The following JPH1 variants were observed in gnomAD, a reference collection of about 807,000 sequenced individuals.
JPH1 encodes junctophilin-1.
JPH1 carries 12 observed loss-of-function variants against 53.6 expected under a neutral mutation model. The ratio of observed to expected loss-of-function variants is 0.22; its 90% CI spans 0.14 to 0.36. The LOEUF (loss-of-function observed/expected upper bound fraction) is 0.36. Ranked by LOEUF, JPH1 falls within the 10% of genes least tolerant of loss-of-function variation. The probability of loss-of-function intolerance (pLI) is 1.00; values close to 1 mark genes in which losing one functional copy is unlikely to be tolerated. For missense variants in JPH1, 808 were observed against 905.5 expected (o/e 0.89, Z 1.38); for synonymous variants, 375 against 363.8 (o/e 1.03, Z -0.35).
chr8:74,290,627 C>G (rs555392375), intron 2 of JPH1, among the ~76,000 whole-genome samples: 282 of 152,322 alleles, frequency 1.9e-3, no homozygotes, highest in Non-Finnish European at 3.3e-3. Context: ...TTGGAAAAAA[C>G]TACTTTAAAG....
chr8:74,302,473 T>C (rs1404770639), intron 2 of JPH1, among the ~76,000 whole-genome samples: 1 of 152,218 alleles, frequency 6.6e-6, no homozygotes, highest in Non-Finnish European at 1.5e-5. Context: ...AATTTGTACA[T>C]ATATTTTCTA....
At position 74,293,940 on chromosome 8, in the gene JPH1, T is replaced by G. The variant is rs1445378381; in HGVS notation, c.1139+20921A>C. ...CTCCCACTCAAGAGCCAGCAGCCCC[T>G]AGGTTGGGCATGGGGTGTCTCTTTT... On this transcript the variant is annotated intron_variant, in intron 2 of 5. Coordinates refer to ENST00000342232, the MANE Select transcript of JPH1 (RefSeq NM_020647.4). Among the ~76,000 whole-genome samples the G allele has an allele frequency of 4.6e-5, 7 of 152,234 alleles. No homozygotes were observed. In the East Asian group the frequency reaches 1.4e-3, roughly 29 times the overall value.
At position 74,321,481 on chromosome 8, in the gene JPH1, T is replaced by TTCCTCC. The variant is rs373541776; in HGVS notation, c.-200_-195dup. 3.3e-4 allele frequency: 164 copies of TTCCTCC among 499,612 alleles called. No homozygotes were observed. Among genetic ancestry groups the TTCCTCC allele is most frequent in the Admixed American group, 3.5e-4 (8 of 22,688 alleles). 30.9% of individuals were successfully genotyped at this position (499,612 alleles called of 1,614,324 possible). On this transcript the variant is annotated 5_prime_UTR_variant, in exon 1 of 6. Coordinates refer to ENST00000342232, the MANE Select transcript of JPH1 (RefSeq NM_020647.4). This position sits in a 1 kb window ranked among gnomAD's most constrained non-coding sequence, Gnocchi z 4.3. ...CTCTTTTGCCGCCGCCACCGCCGCC[T>TTCCTCC]TCCTCCTCCTCCTCCTCCTCCTTCG...
chr8:74,257,380 G>A (rs923318636), intron 3 of JPH1, among the ~76,000 whole-genome samples: 7 of 152,114 alleles, frequency 4.6e-5, no homozygotes, highest in Admixed American at 1.3e-4. Flanking sequence ...ATGATCTTTC[G>A]TATCATTTAC....
chr8:74,288,820 G>A (rs1462848344), intron 2 of JPH1, among the ~76,000 whole-genome samples: 4 of 152,208 alleles, frequency 2.6e-5, no homozygotes, highest in Non-Finnish European at 5.9e-5. Context: ...TAAACAGAAG[G>A]TGTGAAACCA....
intron 2 of JPH1, among the ~76,000 whole-genome samples, chr8:74,260,123 C>T (rs147137327): frequency 6.6e-6 from 1 of 152,314 alleles, no homozygotes; most frequent in Non-Finnish European, 1.5e-5. Flanking sequence ...CCACAAGGCC[C>T]GCTCTAAGAA....
At chr8:74,238,282 G>GT (rs1435338153) in intron 4 of JPH1, among the ~76,000 whole-genome samples, 1 of 152,138 alleles carries the variant, frequency 6.6e-6, no homozygotes, top group Non-Finnish European at 1.5e-5. Context: ...AAGTATTGAT[G>GT]TTTTTTGGGT....
At chr8:74,304,533 G>A (rs144202263) in intron 2 of JPH1, among the ~76,000 whole-genome samples, 14 of 152,236 alleles carry the variant, frequency 9.2e-5, no homozygotes, top group African/African-American at 3.1e-4. Flanking sequence ...GCTTCCATGG[G>A]TTATCTCAAC....
chr8:74,258,889 T>C (rs1806311685), intron 3 of JPH1, among the ~76,000 whole-genome samples: 1 of 152,190 alleles, frequency 6.6e-6, no homozygotes, highest in African/African-American at 2.4e-5. Flanking sequence ...AGACCTCGGG[T>C]GATATTTGTT....
chr8:74,321,359 C>G lies in JPH1; in HGVS notation c.-72G>C. On this transcript the variant is annotated 5_prime_UTR_variant, in exon 1 of 6. Coordinates refer to ENST00000342232, the MANE Select transcript of JPH1 (RefSeq NM_020647.4). This position sits in a 1 kb window ranked among gnomAD's most constrained non-coding sequence, Gnocchi z 4.3. The stretch of plus-strand genomic sequence containing the variant: ...CAGTGCTGGGCACGGCAGGGTGTAG[C>G]TCGGGGGTGGGGGCCCGGCGGGCGA... 7.2e-6 allele frequency: 10 copies of G among 1,379,988 alleles called. No homozygotes were observed. Among genetic ancestry groups the G allele is most frequent in the Non-Finnish European group, 9.4e-6 (10 of 1,066,230 alleles). The allele number at this position is 1,379,988 out of a possible 1,614,324, so 85.5% of individuals were successfully genotyped here. A position where few individuals can be genotyped will look rare whatever the true frequency, so the allele number is the denominator to read the frequency against.
intron 3 of JPH1, among the ~76,000 whole-genome samples, chr8:74,255,465 C>G (rs912425143): frequency 8.6e-5 from 13 of 152,016 alleles, no homozygotes; most frequent in African/African-American, 2.7e-4. Flanking sequence ...TAGGCAATAC[C>G]ATTCAGGACA....
intron 2 of JPH1, among the ~76,000 whole-genome samples, chr8:74,287,184 C>T (rs1193193026): frequency 6.6e-6 from 1 of 152,162 alleles, no homozygotes; most frequent in Non-Finnish European, 1.5e-5. Flanking sequence ...GTAATCCCAG[C>T]ACTTTGGGAG....
At chr8:74,260,338 G>T (rs1477946921) in intron 2 of JPH1, among the ~76,000 whole-genome samples, 1 of 152,156 alleles carries the variant, frequency 6.6e-6, no homozygotes, top group East Asian at 1.9e-4. Flanking sequence ...GCAGGAAAAA[G>T]AATAGGGCTT....
At chr8:74,237,161 G>T (rs1807023548) in intron 5 of JPH1, 47 bp downstream of exon 5, 6 of 1,250,100 alleles carry the variant, frequency 4.8e-6, no homozygotes, top group Non-Finnish European at 5.7e-6. Flanking sequence ...TATGAGAAAA[G>T]AATGTTATTT....
Position 74,320,849 on chromosome 8 carries a change from C to G in JPH1, c.379+60G>C. 1.4e-6 allele frequency: 2 copies of G among 1,426,844 alleles called. No homozygotes were observed. Among genetic ancestry groups the G allele is most frequent in the Non-Finnish European group, 1.8e-6 (2 of 1,090,962 alleles). 88.4% of individuals were successfully genotyped at this position (1,426,844 alleles called of 1,614,324 possible). Reference sequence around the variant, plus strand: ...GGCGTCCTCCCCGCTTCCCCGCAGCCGGGGCAGAGCCCACCGCACCAGCTC... The same window carrying G: ...GGCGTCCTCCCCGCTTCCCCGCAGCGGGGGCAGAGCCCACCGCACCAGCTC... On this transcript the variant is annotated intron_variant, in intron 1 of 5. Coordinates refer to ENST00000342232, the MANE Select transcript of JPH1 (RefSeq NM_020647.4). This position sits in a 1 kb window ranked among gnomAD's most constrained non-coding sequence, Gnocchi z 4.4.
At chr8:74,240,988 G>A (rs1563390789) in intron 4 of JPH1, among the ~76,000 whole-genome samples, 2 of 152,030 alleles carry the variant, frequency 1.3e-5, no homozygotes, top group African/African-American at 4.8e-5. Context: ...TCACTGTACT[G>A]GCAATCCAGA....
chr8:74,252,170 T>C (rs886292812), intron 3 of JPH1, among the ~76,000 whole-genome samples: 2 of 152,076 alleles, frequency 1.3e-5, no homozygotes, highest in African/African-American at 4.8e-5. Flanking sequence ...CAAAAATTAA[T>C]TCAAGATGGA....
chr8:74,319,517 C>T (rs1808254390), intron 1 of JPH1, among the ~76,000 whole-genome samples: 1 of 152,116 alleles, frequency 6.6e-6, no homozygotes, highest in African/African-American at 2.4e-5. Flanking sequence ...TATTAGAGAA[C>T]GTTTTTTTCT....
chr8:74,247,032 G>A (rs551069954), intron 3 of JPH1, among the ~76,000 whole-genome samples: 1 of 152,126 alleles, frequency 6.6e-6, no homozygotes, highest in Non-Finnish European at 1.5e-5. Flanking sequence ...AGCATTAAGG[G>A]GAAAAAGGGC....
Sources: allele counts gnomAD v4.1 joint callset (sites outside exome capture counted in the v4.1 genomes callset), GRCh38; gene constraint gnomAD v4.1.1; non-coding constraint Gnocchi (gnomAD v3.1); transcripts MANE v1.5; gene names NCBI Gene and HGNC (gene_info 2026-07-23, HGNC 2026-07-21).